CWC27: variants seen among roughly 807,000 people sequenced by gnomAD.
CWC27 encodes the protein spliceosome-associated protein CWC27 homolog.
Under a neutral mutation model 63.6 loss-of-function variants are expected in CWC27, and 47 were observed. The ratio of observed to expected loss-of-function variants is 0.74; its 90% CI spans 0.58 to 0.94. The LOEUF is 0.94. Ranked by LOEUF, CWC27 falls within the 40% of genes least tolerant of loss-of-function variation. The pLI, the probability that CWC27 is intolerant of heterozygous loss-of-function variation, is 0.00. For synonymous variants in CWC27, 175 were observed against 179.8 expected (o/e 0.97, Z 0.22); for missense variants, 495 against 554.3 (o/e 0.89, Z 1.07).
At chr5:64,869,036 T>C (rs934188553) in intron 10 of CWC27, among the ~76,000 whole-genome samples, 1 of 152,086 alleles carries the variant, frequency 6.6e-6, no homozygotes, top group Non-Finnish European at 1.5e-5. Flanking sequence ...TGGAACATTT[T>C]TGGAATAGAG....
At chr5:64,789,997 C>T (rs917716286) in intron 7 of CWC27, among the ~76,000 whole-genome samples, 5 of 152,050 alleles carry the variant, frequency 3.3e-5, no homozygotes, top group East Asian at 1.9e-4. Context: ...TTAGTGAGCA[C>T]GGTTTTGCAG....
At chr5:64,987,439 A>G (rs1243362803) in intron 13 of CWC27, among the ~76,000 whole-genome samples, 1 of 152,218 alleles carries the variant, frequency 6.6e-6, no homozygotes, top group Non-Finnish European at 1.5e-5. Context: ...AAAAATGTTA[A>G]TAATTTTTGC....
chr5:64,830,409 C>T (rs1329425462), intron 10 of CWC27, among the ~76,000 whole-genome samples: 6 of 151,986 alleles, frequency 3.9e-5, no homozygotes, highest in Non-Finnish European at 8.8e-5. Flanking sequence ...TTTCTTTACA[C>T]CTTATAGAAA....
At chr5:64,968,407 A>G (rs774352336) in intron 11 of CWC27, among the ~76,000 whole-genome samples, 1 of 152,152 alleles carries the variant, frequency 6.6e-6, no homozygotes, top group Non-Finnish European at 1.5e-5. Context: ...AAATGAAAAT[A>G]TATGTTTGCA....
intron 11 of CWC27, among the ~76,000 whole-genome samples, chr5:64,971,338 A>G (rs1260949661): frequency 2.0e-5 from 3 of 152,206 alleles, no homozygotes; most frequent in Non-Finnish European, 2.9e-5. Flanking sequence ...TTGGAAGGTT[A>G]TATCTTCTAA....
intron 10 of CWC27, among the ~76,000 whole-genome samples, chr5:64,827,079 A>G (rs1745382683): frequency 6.6e-6 from 1 of 152,174 alleles, no homozygotes; most frequent in African/African-American, 2.4e-5. Flanking sequence ...GAAAATAGAA[A>G]GTTAACATAG....
chr5:64,775,889 T>C (rs1743423504), intron 2 of CWC27, among the ~76,000 whole-genome samples: 1 of 152,044 alleles, frequency 6.6e-6, no homozygotes, highest in Admixed American at 6.6e-5. Flanking sequence ...TAGAGACAGT[T>C]TTATTCAAGG....
intron 10 of CWC27, chr5:64,844,899 C>T: frequency 2.2e-6 from 1 of 456,734 alleles, no homozygotes; most frequent in South Asian, 1.5e-5. Flanking sequence ...AGGGGTACAG[C>T]TTCTGGTATT....
chr5:64,923,997 C>G (rs1479321189), intron 11 of CWC27, among the ~76,000 whole-genome samples: 1 of 152,102 alleles, frequency 6.6e-6, no homozygotes, highest in Non-Finnish European at 1.5e-5. Context: ...CAATCTTATA[C>G]ACTTTTTACC....
intron 11 of CWC27, among the ~76,000 whole-genome samples, chr5:64,920,085 C>G (rs1747968049): frequency 6.6e-6 from 1 of 152,196 alleles, no homozygotes; most frequent in Admixed American, 6.5e-5. Flanking sequence ...TCCACCTCAG[C>G]CTTCCGAGTA....
intron 11 of CWC27, among the ~76,000 whole-genome samples, chr5:64,970,317 A>G (rs1261729038): frequency 1.3e-5 from 2 of 148,346 alleles, no homozygotes; most frequent in Admixed American, 6.9e-5. Context: ...GGTTCACGCC[A>G]TTCTCCTGCC....
At chr5:64,978,484 T>TG (rs1365725934) in intron 13 of CWC27, among the ~76,000 whole-genome samples, 2 of 152,222 alleles carry the variant, frequency 1.3e-5, no homozygotes, top group Non-Finnish European at 2.9e-5. Flanking sequence ...CTTCCATAGT[T>TG]TGGTGCCAAA....
rs527787137 is a variant in CWC27 at position 64,972,164 on chromosome 5, C to G, written c.1152+352C>G. Among the ~76,000 whole-genome samples, 4 of 152,262 alleles carry G rather than the reference C, an allele frequency of 2.6e-5. No individual in the cohort carries two copies. The South Asian group carries it at 8.3e-4, about 32-fold the overall frequency. On this transcript the variant is annotated intron_variant, in intron 12 of 13. Coordinates refer to ENST00000381070, the MANE Select transcript of CWC27 (RefSeq NM_005869.4). ...TGGTGATTATAAATGATGAGAGAGT[C>G]TCTTCCAGCCCGACATCTCGCATGC... is the stretch of plus-strand genomic sequence containing the variant.
At chr5:65,005,742 A>G (rs565787836) in intron 13 of CWC27, among the ~76,000 whole-genome samples, 1 of 152,250 alleles carries the variant, frequency 6.6e-6, no homozygotes, top group Non-Finnish European at 1.5e-5. Context: ...AATTATGAAA[A>G]GAGAACCCTA....
At chr5:64,914,028 C>T (rs1272562473) in intron 11 of CWC27, among the ~76,000 whole-genome samples, 1 of 152,068 alleles carries the variant, frequency 6.6e-6, no homozygotes, top group East Asian at 1.9e-4. Context: ...AACAGACCCA[C>T]ACACATAAAA....
At chr5:64,889,640 T>C (rs1314505230) in intron 11 of CWC27, among the ~76,000 whole-genome samples, 1 of 152,026 alleles carries the variant, frequency 6.6e-6, no homozygotes, top group African/African-American at 2.4e-5. Context: ...TAAAAGCAAA[T>C]TGAGGCCGGG....
At chr5:64,906,748 G>A (rs1733219484) in intron 11 of CWC27, among the ~76,000 whole-genome samples, 1 of 152,126 alleles carries the variant, frequency 6.6e-6, no homozygotes. Flanking sequence ...CATTACCCAC[G>A]CCTATGTCCT....
chr5:64,961,094 G>T (rs897100723), intron 11 of CWC27, among the ~76,000 whole-genome samples: 35 of 152,142 alleles, frequency 2.3e-4, no homozygotes, highest in Non-Finnish European at 5.0e-4. Context: ...GACTCAAGTG[G>T]ATTGAAGATT....
chr5:65,013,171 A>G (rs1352623216), intron 13 of CWC27, among the ~76,000 whole-genome samples: 1 of 152,246 alleles, frequency 6.6e-6, no homozygotes, highest in Non-Finnish European at 1.5e-5. Flanking sequence ...AATAAAAACT[A>G]GCAATCACTA....
Sources: allele counts gnomAD v4.1 joint callset (sites outside exome capture counted in the v4.1 genomes callset), GRCh38; gene constraint gnomAD v4.1.1; transcripts MANE v1.5; gene names NCBI Gene and HGNC (gene_info 2026-07-23, HGNC 2026-07-21).